Variants in CNTN5 observed in about 807,000 individuals in gnomAD.
The protein encoded by CNTN5 is contactin 5, also known as contactin-5.
In CNTN5, 77 loss-of-function variants were observed where a neutral mutation model predicts 129.1. The ratio of observed to expected loss-of-function variants is 0.60; its 90% CI spans 0.50 to 0.72. The LOEUF is 0.72. Among genes scored for constraint, CNTN5 ranks in the 30% least tolerant of loss-of-function variants. The pLI is 0.00. For missense variants in CNTN5, 1,478 were observed against 1,328.8 expected, an observed-to-expected ratio of 1.11 and a Z score of -1.75; for synonymous variants, 509 against 465.6, an observed-to-expected ratio of 1.09 and a Z score of -1.20.
chr11:100,104,093 A>C (rs912961772), intron 13 of CNTN5, among the ~76,000 whole-genome samples: 1 of 136,702 alleles, frequency 7.3e-6, no homozygotes, highest in Admixed American at 7.7e-5. Flanking sequence ...AGAAAACGTC[A>C]CTTTTTTTTT....
At chr11:99,199,978 AT>A (rs1859089822) in intron 1 of CNTN5, among the ~76,000 whole-genome samples, 2 of 152,136 alleles carry the variant, frequency 1.3e-5, no homozygotes, top group African/African-American at 4.8e-5. Context: ...CATCATCATC[AT>A]CATCATCATC....
At chr11:99,449,914 T>G (rs1032520816) in intron 2 of CNTN5, among the ~76,000 whole-genome samples, 1 of 152,238 alleles carries the variant, frequency 6.6e-6, no homozygotes, top group South Asian at 2.1e-4. Flanking sequence ...ATGTATTTTT[T>G]GCTCTACATT....
chr11:99,382,357 A>G (rs2136163105), intron 2 of CNTN5, among the ~76,000 whole-genome samples: 1 of 152,280 alleles, frequency 6.6e-6, no homozygotes, highest in South Asian at 2.1e-4. Flanking sequence ...GGCTAGACCC[A>G]AACTCATGGG....
chr11:99,083,754 G>C (rs975347488), intron 1 of CNTN5, among the ~76,000 whole-genome samples: 1 of 152,132 alleles, frequency 6.6e-6, no homozygotes, highest in Non-Finnish European at 1.5e-5. Flanking sequence ...TAGAGGAGGT[G>C]AATGAATTGT....
At chr11:99,864,085 A>G (rs539810701) in intron 6 of CNTN5, among the ~76,000 whole-genome samples, 2 of 152,274 alleles carry the variant, frequency 1.3e-5, no homozygotes, top group East Asian at 1.9e-4. Flanking sequence ...AGTGCTTTAT[A>G]TGGTGTCTGG....
chr11:99,284,925 GTTAA>G (rs1404872411), intron 1 of CNTN5, among the ~76,000 whole-genome samples: 2 of 151,974 alleles, frequency 1.3e-5, no homozygotes, highest in East Asian at 1.9e-4. Context: ...CTTGCTTTTG[GTTAA>G]TTGTTTTTCA....
chr11:99,049,766 C>T (rs900036701), intron 1 of CNTN5: 3 of 152,130 alleles, frequency 2.0e-5, no homozygotes, highest in Admixed American at 6.6e-5. Context: ...CTGCACTTGA[C>T]TTATATATAT....
chr11:99,085,114 T>G (rs1468822492), intron 1 of CNTN5, among the ~76,000 whole-genome samples: 1 of 152,038 alleles, frequency 6.6e-6, no homozygotes, highest in African/African-American at 2.4e-5. Flanking sequence ...GCATAATCTC[T>G]GCTCACTGCA....
intron 3 of CNTN5, among the ~76,000 whole-genome samples, chr11:99,721,169 C>T (rs573476094): frequency 3.9e-5 from 6 of 152,136 alleles, no homozygotes; most frequent in South Asian, 2.1e-4. Context: ...AAAAAGAGCC[C>T]GAGTAGCCAA....
chr11:99,703,081 C>T (rs778619886), intron 3 of CNTN5, among the ~76,000 whole-genome samples: 1 of 150,734 alleles, frequency 6.6e-6, no homozygotes, highest in Non-Finnish European at 1.5e-5. Flanking sequence ...AAAATGTCAA[C>T]TTCAAGCACT....
intron 1 of CNTN5, among the ~76,000 whole-genome samples, chr11:99,207,229 T>A (rs1352358362): frequency 2.6e-5 from 4 of 152,160 alleles, no homozygotes; most frequent in Non-Finnish European, 5.9e-5. Flanking sequence ...TAAAACTGTT[T>A]GCAATACTGT....
At chr11:100,310,038 C>G (rs1951440102) in intron 21 of CNTN5, among the ~76,000 whole-genome samples, 1 of 151,912 alleles carries the variant, frequency 6.6e-6, no homozygotes, top group Non-Finnish European at 1.5e-5. Context: ...CCTGGAACCA[C>G]ATTCTTGCTC....
chr11:99,371,264 A>AT (rs762609710), intron 2 of CNTN5, among the ~76,000 whole-genome samples: 2 of 152,104 alleles, frequency 1.3e-5, no homozygotes, highest in Non-Finnish European at 1.5e-5. Context: ...TAATGTAAAA[A>AT]TTTTAAAGAT....
intron 1 of CNTN5, among the ~76,000 whole-genome samples, chr11:99,085,930 G>T (rs1865988594): frequency 6.6e-6 from 1 of 151,864 alleles, no homozygotes. Flanking sequence ...ACTTACCATT[G>T]TGTTCTAATC....
At chr11:99,174,768 A>AT (rs1194272993) in intron 1 of CNTN5, among the ~76,000 whole-genome samples, 10 of 151,866 alleles carry the variant, frequency 6.6e-5, no homozygotes, top group African/African-American at 2.4e-5. Flanking sequence ...AATTTAAATT[A>AT]TATATTATAC....
chr11:99,690,805 A>T (rs1313757168), intron 3 of CNTN5, among the ~76,000 whole-genome samples: 3 of 151,942 alleles, frequency 2.0e-5, no homozygotes, highest in South Asian at 2.1e-4. Context: ...TTCCTTCTCA[A>T]TTTTTTTGGA....
At chr11:99,378,726 A>G (rs1940337453) in intron 2 of CNTN5, among the ~76,000 whole-genome samples, 1 of 152,106 alleles carries the variant, frequency 6.6e-6, no homozygotes, top group African/African-American at 2.4e-5. Flanking sequence ...GCATATGTAG[A>G]AAATCACTAG....
At chr11:99,457,598 T>A (rs142504380) in intron 2 of CNTN5, among the ~76,000 whole-genome samples, 2,086 of 151,972 alleles carry the variant, frequency 0.014, 91 homozygotes, top group Admixed American at 0.09. Flanking sequence ...AACACAAATT[T>A]TTAACAGGAA....
intron 3 of CNTN5, among the ~76,000 whole-genome samples, chr11:99,753,575 C>T (rs61911567): frequency 6.6e-4 from 97 of 147,846 alleles, no homozygotes; most frequent in Non-Finnish European, 8.6e-4. Context: ...ACTAGTTTAT[C>T]AGCTTGTGGC....
Sources: allele counts gnomAD v4.1 joint callset (sites outside exome capture counted in the v4.1 genomes callset), GRCh38; gene constraint gnomAD v4.1.1; transcripts MANE v1.5; gene names NCBI Gene and HGNC (gene_info 2026-07-23, HGNC 2026-07-21).